The following DIS3L2 variants were observed in gnomAD, a reference collection of about 807,000 sequenced individuals.
DIS3L2 encodes DIS3-like exonuclease 2.
Under a neutral mutation model 97.5 loss-of-function variants are expected in DIS3L2, and 34 were observed. The ratio of observed to expected loss-of-function variants is 0.35; its 90% CI spans 0.27 to 0.46. The LOEUF (loss-of-function observed/expected upper bound fraction) is 0.46. DIS3L2 is among the 20% of genes least tolerant of loss of function. The pLI is 1.00. For synonymous variants in DIS3L2, 435 were observed against 445.2 expected, an observed-to-expected ratio of 0.98 and a Z score of 0.29; for missense variants, 1,038 against 1,146.0, an observed-to-expected ratio of 0.91 and a Z score of 1.36.
At chr2:232,210,715 T>C (rs1021523491) in intron 10 of DIS3L2, among the ~76,000 whole-genome samples, 5 of 152,174 alleles carry the variant, frequency 3.3e-5, no homozygotes, top group African/African-American at 1.2e-4. Context: ...CCAGTGTTGG[T>C]GTAAGGTATC....
intron 12 of DIS3L2, among the ~76,000 whole-genome samples, chr2:232,249,915 C>T (rs1693371803): frequency 6.6e-6 from 1 of 152,172 alleles, no homozygotes; most frequent in African/African-American, 2.4e-5. Flanking sequence ...AATCAAGGCA[C>T]AAGGTGGTGA....
At chr2:232,034,111 G>A (rs1694887862) in intron 5 of DIS3L2, among the ~76,000 whole-genome samples, 1 of 152,008 alleles carries the variant, frequency 6.6e-6, no homozygotes. Flanking sequence ...GCCTTTTTTT[G>A]GTTGGTAGGC....
At chr2:231,972,565 A>G (rs562939185) in intron 1 of DIS3L2, among the ~76,000 whole-genome samples, 14 of 152,126 alleles carry the variant, frequency 9.2e-5, no homozygotes, top group Non-Finnish European at 1.8e-4. Flanking sequence ...TCTTTTTGAG[A>G]TGGAATCTTG....
chr2:232,234,240 CT>C (rs1692874637), intron 10 of DIS3L2, among the ~76,000 whole-genome samples: 2 of 152,260 alleles, frequency 1.3e-5, no homozygotes, highest in Admixed American at 1.3e-4. Flanking sequence ...GATAATTCAT[CT>C]GTGCAAAACG....
chr2:232,105,476 C>G (rs1362637952), intron 6 of DIS3L2, among the ~76,000 whole-genome samples: 1 of 152,192 alleles, frequency 6.6e-6, no homozygotes, highest in African/African-American at 2.4e-5. Flanking sequence ...TTGCCCAGCT[C>G]TTTTTCAGGC....
chr2:232,316,939 G>A (rs1438677733), intron 14 of DIS3L2, among the ~76,000 whole-genome samples: 2 of 152,196 alleles, frequency 1.3e-5, no homozygotes, highest in African/African-American at 2.4e-5. Context: ...TGAAGAGGAA[G>A]GAACTTTTCA....
At chr2:232,278,195 A>G (rs1694194693) in intron 13 of DIS3L2, among the ~76,000 whole-genome samples, 1 of 151,846 alleles carries the variant, frequency 6.6e-6, no homozygotes, top group African/African-American at 2.4e-5. Flanking sequence ...CAACTCTTCA[A>G]TCCTCTTTTT....
At chr2:232,339,595 T>C, downstream of DIS3L2, 1 of 398,458 alleles carries the variant, frequency 2.5e-6, no homozygotes, top group Non-Finnish European at 5.2e-6. Context: ...TTGGGCTCCT[T>C]TGTGGGACAA....
chr2:231,981,012 C>T (rs193124164), intron 1 of DIS3L2, among the ~76,000 whole-genome samples: 532 of 152,214 alleles, frequency 3.5e-3, no homozygotes, highest in African/African-American at 0.012. Context: ...GGTGCGATCT[C>T]GGCTCACTGC....
At chr2:232,209,288 G>A (rs763228144) in intron 9 of DIS3L2, among the ~76,000 whole-genome samples, 11 of 152,224 alleles carry the variant, frequency 7.2e-5, no homozygotes, top group Admixed American at 1.3e-4. Flanking sequence ...ACAGGGTCTC[G>A]CTCTATTGTC....
chr2:232,131,935 G>A (rs1462788496), intron 7 of DIS3L2: 1 of 112,814 alleles, frequency 8.9e-6, no homozygotes, highest in African/African-American at 3.5e-5. Context: ...TGACTTCATG[G>A]CTTTCAGCAA....
intron 13 of DIS3L2, among the ~76,000 whole-genome samples, chr2:232,283,569 G>T (rs1694351434): frequency 6.6e-6 from 1 of 152,116 alleles, no homozygotes; most frequent in African/African-American, 2.4e-5. Flanking sequence ...ACTAGGCCCA[G>T]TCTATTTCTT....
intron 9 of DIS3L2, among the ~76,000 whole-genome samples, chr2:232,174,851 T>G (rs1691103841): frequency 2.0e-5 from 3 of 151,760 alleles, no homozygotes; most frequent in African/African-American, 7.3e-5. Context: ...TTTTTTGTTT[T>G]TTTGTTTTGA....
intron 6 of DIS3L2, among the ~76,000 whole-genome samples, chr2:232,094,658 G>A (rs377344080): frequency 6.9e-6 from 1 of 145,828 alleles, no homozygotes; most frequent in South Asian, 2.1e-4. Context: ...GGCAGAGGCT[G>A]CAGGGAGCCA....
At chr2:232,075,110 A>AAGAGAT (rs1175077059) in intron 5 of DIS3L2, among the ~76,000 whole-genome samples, 1 of 151,980 alleles carries the variant, frequency 6.6e-6, no homozygotes, top group Non-Finnish European at 1.5e-5. Context: ...TTTGTTTTCA[A>AAGAGAT]CTCCTGTGGA....
rs1693935072 is a variant in DIS3L2 at position 232,269,723 on chromosome 2, C to T, written c.1659+6283C>T. On this transcript the variant is annotated intron_variant, in intron 13 of 20. Coordinates refer to ENST00000325385, the MANE Select transcript of DIS3L2 (RefSeq NM_152383.5). The surrounding 1 kb of genome is among the most constrained non-coding windows in gnomAD (Gnocchi z 4.5). The stretch of plus-strand genomic sequence containing the variant: ...CAAGCATGGGAGGGATGAGAAATGG[C>T]AGATTGTTCCAGGGTGTGTGGTGTA... Among the ~76,000 whole-genome samples, 1 of 147,686 alleles carries T rather than the reference C, an allele frequency of 6.8e-6. No individual in the cohort carries two copies. The highest frequency in any genetic ancestry group is 6.8e-5 in the Admixed American group (1 of 14,684).
chr2:231,991,595 GA>G (rs1366868725), intron 1 of DIS3L2, among the ~76,000 whole-genome samples: 1 of 152,096 alleles, frequency 6.6e-6, no homozygotes, highest in Non-Finnish European at 1.5e-5. Context: ...ATTTAGAGTT[GA>G]AAAACATTAC....
intron 14 of DIS3L2, 28 bp from the exon 15 acceptor site, chr2:232,329,785 T>TACCCGGGGGGCCCC: frequency 1.0e-6 from 1 of 967,144 alleles, no homozygotes; most frequent in Non-Finnish European, 1.5e-6. Context: ...ACCCCAGCGG[T>TACCCGGGGGGCCCC]CCCTCCCATC....
At chr2:232,247,612 GC>G (rs1331342695) in intron 11 of DIS3L2, among the ~76,000 whole-genome samples, 14 of 46,418 alleles carry the variant, frequency 3.0e-4, no homozygotes, top group South Asian at 4.5e-3. Context: ...ACATATAACT[GC>G]CGCGGGGGGG....
Sources: allele counts gnomAD v4.1 joint callset (sites outside exome capture counted in the v4.1 genomes callset), GRCh38; gene constraint gnomAD v4.1.1; non-coding constraint Gnocchi (gnomAD v3.1); transcripts MANE v1.5; gene names NCBI Gene and HGNC (gene_info 2026-07-23, HGNC 2026-07-21).